CLSTN3: variants seen among roughly 807,000 people sequenced by gnomAD.
The protein encoded by CLSTN3 is calsyntenin-3.
A neutral mutation model predicts 95.9 loss-of-function variants in CLSTN3; 36 were observed. The ratio of observed to expected loss-of-function variants is 0.38; its 90% CI spans 0.29 to 0.50. The LOEUF (loss-of-function observed/expected upper bound fraction) is 0.50. Among genes scored for constraint, CLSTN3 ranks in the 20% least tolerant of loss-of-function variants. CLSTN3 has a pLI of 0.95. For synonymous variants in CLSTN3, 481 were observed against 504.0 expected (o/e 0.95, Z 0.61); for missense variants, 1,084 against 1,268.8 (o/e 0.85, Z 2.21).
Position 7,141,378 on chromosome 12 carries a change from C to G in CLSTN3, c.1460C>G (p.Ala487Gly), listed in dbSNP as rs144059185. ...ATCCACCCACCCCGAAGGGAGCCTGCTCTCATGATTGGGGCCTGCTGGACT... is the reference window on the plus strand; with the variant it reads ...ATCCACCCACCCCGAAGGGAGCCTGGTCTCATGATTGGGGCCTGCTGGACT... ...GLIHPPRREP[A>G]LMIGACWTEE... The change falls in exon 9 of 18, where the codon GCT (alanine) becomes GGT (glycine). Residue 487 changes from alanine (A) to glycine (G), a missense_variant. Ala to Gly is a moderately conservative substitution (Grantham distance 60). Transcript: ENST00000266546. This position sits in a 1 kb window ranked among gnomAD's most constrained non-coding sequence, Gnocchi z 4.1. 3 of 1,614,206 alleles carry G rather than the reference C, an allele frequency of 1.9e-6. No individual in the cohort carries two copies. In the African/African-American group the frequency reaches 4.0e-5, roughly 22 times the overall value.
chr12:7,129,499 T>A (rs1170022135), upstream of CLSTN3: 1 of 503,670 alleles, frequency 2.0e-6, no homozygotes, highest in Non-Finnish European at 2.6e-6. This position sits in a 1 kb window ranked among gnomAD's most constrained non-coding sequence, Gnocchi z 5.5. Flanking sequence ...ACAGACAGCC[T>A]GAGAGGAGTT....
chr12:7,130,319 T>A (rs1231987445), upstream of CLSTN3: 25 of 600,206 alleles, frequency 4.2e-5, no homozygotes, highest in East Asian at 8.0e-5. Context: ...CCCCTCCCAG[T>A]CACCTGATTG....
At position 7,133,262 on chromosome 12, in the gene CLSTN3, A is replaced by C. The variant is rs760827928; in HGVS notation, c.187+116A>C. Reference sequence around the variant, plus strand: ...AGTGATGAGAAAGTAAGGGAAGATAAAAGTGGGCTCAAGGAGGGGAATGGT... The same window carrying C: ...AGTGATGAGAAAGTAAGGGAAGATACAAGTGGGCTCAAGGAGGGGAATGGT... On this transcript the variant is annotated intron_variant, in intron 2 of 17. Coordinates refer to ENST00000266546, the MANE Select transcript of CLSTN3 (RefSeq NM_014718.4). This position sits in a 1 kb window ranked among gnomAD's most constrained non-coding sequence, Gnocchi z 4.7. The C allele has an allele frequency of 9.4e-6, 13 of 1,379,728 alleles. No individual in the cohort carries two copies. The highest frequency in any genetic ancestry group is 2.0e-5 in the Admixed American group (1 of 50,580). The allele number at this position is 1,379,728 out of a possible 1,614,324, so 85.5% of individuals were successfully genotyped here.
At chr12:7,130,859 A>G (rs544069325) in intron 1 of CLSTN3, 147 bp downstream of exon 1, 16 of 713,606 alleles carry the variant, frequency 2.2e-5, no homozygotes, top group Admixed American at 8.3e-5. Context: ...CCGTTCTCAG[A>G]CCTGCTCCGT....
chr12:7,149,418 C>T lies in CLSTN3; in HGVS notation c.2075-105C>T. 1 of 1,133,116 alleles carries T rather than the reference C, an allele frequency of 8.8e-7. No homozygotes were observed. The highest frequency in any genetic ancestry group is 2.4e-5 in the East Asian group (1 of 42,064). 70.2% of individuals were successfully genotyped at this position (1,133,116 alleles called of 1,614,324 possible). ...TGAAAATGATGCTGACTTCCCTCTCCCTGGCCCTGGAAAGGGAGGGAGAGT... is the reference window on the plus strand; with the variant it reads ...TGAAAATGATGCTGACTTCCCTCTCTCTGGCCCTGGAAAGGGAGGGAGAGT... On this transcript the variant is annotated intron_variant, in intron 13 of 17. Transcript: ENST00000266546. This position sits in a 1 kb window ranked among gnomAD's most constrained non-coding sequence, Gnocchi z 4.5.
At chr12:7,148,114 C>T (rs1049552131) in intron 12 of CLSTN3, among the ~76,000 whole-genome samples, 1 of 149,976 alleles carries the variant, frequency 6.7e-6, no homozygotes, top group East Asian at 2.0e-4. Flanking sequence ...CAAGATCGCA[C>T]CATTGCACCC....
rs756760163 is a variant in CLSTN3 at position 7,130,401 on chromosome 12, G to GA, written c.-247dup. The GA allele has an allele frequency of 4.3e-4, 615 of 1,436,950 alleles. 1 individual carries two copies. The Middle Eastern group carries it at 5.4e-3, about 13-fold the overall frequency. The allele number at this position is 1,436,950 out of a possible 1,614,324, so 89.0% of individuals were successfully genotyped here. A position where few individuals can be genotyped will look rare whatever the true frequency, so the allele number is the denominator to read the frequency against. ...GCAGTAGCGGGGTTGGGGTGGGAGT[G>GA]AGAGAGTGAGGACGCTGGGCTGGGG... On this transcript the variant is annotated 5_prime_UTR_variant, in exon 1 of 18. Coordinates refer to ENST00000266546, the MANE Select transcript of CLSTN3 (RefSeq NM_014718.4).
intron 1 of CLSTN3, chr12:7,131,710 C>G (rs1939305491): frequency 2.2e-6 from 1 of 451,984 alleles, no homozygotes; most frequent in Non-Finnish European, 4.4e-6. Flanking sequence ...TTCCACCGCT[C>G]TCTCTTCCTT....
chr12:7,151,115 T>C (rs1163088410), intron 16 of CLSTN3, 52 bp downstream of exon 16: 1 of 1,489,620 alleles, frequency 6.7e-7, no homozygotes, highest in South Asian at 1.4e-5. Context: ...CAGGTGAGTG[T>C]GTTGGGACAG....
chr12:7,143,564 G>A (rs1340575295), intron 12 of CLSTN3, among the ~76,000 whole-genome samples: 1 of 152,186 alleles, frequency 6.6e-6, no homozygotes, highest in Admixed American at 6.5e-5. Flanking sequence ...GGGTTTCCGG[G>A]CTTTGATCTT....
At position 7,141,580 on chromosome 12, in the gene CLSTN3, C is replaced by G. The variant is rs1939527520; in HGVS notation, c.1486+176C>G. Among the ~76,000 whole-genome samples the G allele has an allele frequency of 6.6e-6, 1 of 152,196 alleles. No individual in the cohort carries two copies. The highest frequency in any genetic ancestry group is 2.1e-4 in the South Asian group (1 of 4,832). On this transcript the variant is annotated intron_variant, in intron 9 of 17. Transcript: ENST00000266546. This position sits in a 1 kb window ranked among gnomAD's most constrained non-coding sequence, Gnocchi z 4.1. ...GGACCACAGCCTCCCTCCCGTATCT[C>G]CCACTAATCCAATGGGTCATCACCT... is the stretch of plus-strand genomic sequence containing the variant.
chr12:7,136,927 A>T lies in CLSTN3; in HGVS notation c.1027A>T (p.Ile343Phe). ...GCACTACAGCCAGGACAGCAGCCTG[A>T]TCTACTGGTTCAATGGCACCCAGGC... The part of the protein sequence containing the change: ...SVHYSQDSSL[I>F]YWFNGTQAVQ... Residue 343 changes from isoleucine to phenylalanine, a missense_variant, in exon 7 of 18, where the codon ATC becomes TTC. Ile to Phe is a conservative substitution (Grantham distance 21, BLOSUM62 0). Transcript: ENST00000266546. The T allele has an allele frequency of 6.2e-7, 1 of 1,613,994 alleles. No homozygotes were observed.
intron 16 of CLSTN3, among the ~76,000 whole-genome samples, chr12:7,152,414 A>G (rs1939739577): frequency 6.6e-6 from 1 of 152,138 alleles, no homozygotes; most frequent in Non-Finnish European, 1.5e-5. Context: ...CAACTTCATC[A>G]CCCAGTTTTG....
rs1565656196 is a variant in CLSTN3, at chr12:7,158,061, A to G, written c.2851A>G (p.Thr951Ala). 1 of 1,530,878 alleles carries G rather than the reference A, an allele frequency of 6.5e-7. No homozygotes were observed. Among genetic ancestry groups the G allele is most frequent in the Non-Finnish European group, 8.8e-7 (1 of 1,135,246 alleles). 94.8% of individuals were successfully genotyped at this position (1,530,878 alleles called of 1,614,324 possible). The change falls in exon 18 of 18, where the codon ACC becomes GCC. Residue 951 changes from threonine (T) to alanine (A), a missense_variant. Coordinates refer to ENST00000266546, the MANE Select transcript of CLSTN3 (RefSeq NM_014718.4). The stretch of plus-strand genomic sequence containing the variant: ...CAGCGACGAGAGACGCATCATCGAG[A>G]CCCCCCCACACCGCTACTAAGGCCT... ...PSSDERRIIE[T>A]PPHRY is the part of the protein sequence containing the mutation.
intron 1 of CLSTN3, 165 bp from the exon 2 acceptor site, chr12:7,132,859 A>G (rs1412788626): frequency 7.3e-6 from 6 of 818,968 alleles, no homozygotes; most frequent in South Asian, 4.6e-5. Flanking sequence ...CTCCTTTAGT[A>G]GCTGATTTCT....
rs761958162 is a variant in CLSTN3, at chr12:7,133,049, G to A, written c.90G>A (p.Glu30=). 2.5e-6 allele frequency: 4 copies of A among 1,613,760 alleles called. No homozygotes were observed. The highest frequency in any genetic ancestry group is 2.2e-5 in the East Asian group (1 of 44,890). Residue 30 remains glutamate (E), a synonymous_variant, in exon 2 of 18, where the codon GAG becomes GAA. Coordinates refer to ENST00000266546, the MANE Select transcript of CLSTN3 (RefSeq NM_014718.4). This position sits in a 1 kb window ranked among gnomAD's most constrained non-coding sequence, Gnocchi z 4.7. ...NKANKHKPWI[E]AEYQGIVMEN... is the part of the protein sequence containing the mutation. Reference sequence around the variant, plus strand: ...CCAACAAGCACAAGCCATGGATTGAGGCAGAGTACCAGGGCATCGTCATGG... The same window carrying A: ...CCAACAAGCACAAGCCATGGATTGAAGCAGAGTACCAGGGCATCGTCATGG...
chr12:7,156,299 C>T (rs755448861), intron 16 of CLSTN3: 70 of 456,964 alleles, frequency 1.5e-4, no homozygotes, highest in Middle Eastern at 6.5e-4. Flanking sequence ...CCTGGGGCTG[C>T]GGGCTTTCCT....
rs147066868 is a variant in CLSTN3 at position 7,143,192 on chromosome 12, C to T, written c.1728C>T (p.Leu576=). 3.1e-6 allele frequency: 5 copies of T among 1,613,936 alleles called. No individual in the cohort carries two copies. The African/African-American group carries it at 5.3e-5, about 17-fold the overall frequency. Residue 576 remains leucine, a synonymous_variant, in exon 12 of 18, where the codon CTC becomes CTT. Transcript: ENST00000266546. ...KVHVNPSQSL[L]TLEGDDVETF... is the part of the protein sequence containing the mutation. ...ACGTGAACCCCTCACAGTCCCTGCTCACCCTGGAGGGGGATGATGTGGAGA... is the reference window on the plus strand; with the variant it reads ...ACGTGAACCCCTCACAGTCCCTGCTTACCCTGGAGGGGGATGATGTGGAGA...
intron 12 of CLSTN3, among the ~76,000 whole-genome samples, chr12:7,146,163 G>A (rs1265685186): frequency 6.6e-6 from 1 of 152,196 alleles, no homozygotes; most frequent in African/African-American, 2.4e-5. Flanking sequence ...TGTCAAATGT[G>A]CTGGGTGCCG....
Sources: allele counts gnomAD v4.1 joint callset (sites outside exome capture counted in the v4.1 genomes callset), GRCh38; gene constraint gnomAD v4.1.1; non-coding constraint Gnocchi (gnomAD v3.1); transcripts MANE v1.5; gene names NCBI Gene and HGNC (gene_info 2026-07-23, HGNC 2026-07-21).